The following LRMDA variants were observed in gnomAD, a reference collection of about 807,000 sequenced individuals.
LRMDA encodes the protein leucine rich melanocyte differentiation associated.
A neutral mutation model predicts 29.8 loss-of-function variants in LRMDA; 18 were observed. The observed-to-expected ratio is 0.60, with a 90% CI of 0.42 to 0.90. The LOEUF (loss-of-function observed/expected upper bound fraction) is 0.90. Among genes scored for constraint, LRMDA ranks in the 40% least tolerant of loss-of-function variants. LRMDA has a pLI of 0.00. For missense variants in LRMDA, 273 were observed against 273.9 expected, an observed-to-expected ratio of 1.00 and a Z score of 0.02; for synonymous variants, 125 against 109.4, an observed-to-expected ratio of 1.14 and a Z score of -0.89.
In LRMDA at chr10:76,191,350, G is replaced by A. The variant is rs575122846; in HGVS notation, c.516+132567G>A. On this transcript the variant is annotated intron_variant, in intron 5 of 6. Transcript: ENST00000611255. ...CCTCCCCATTTTCCTCTATAGCCCT[G>A]AGCTGTTTTCTTTCCAAATCTGAAG... 8.5e-5 allele frequency among the ~76,000 whole-genome samples: 13 copies of A among 152,250 alleles called. No individual in the cohort carries two copies. In the South Asian group the frequency reaches 2.1e-3, roughly 24 times the overall value.
intron 5 of LRMDA, among the ~76,000 whole-genome samples, chr10:76,158,448 A>G (rs1184712592): frequency 6.6e-6 from 1 of 152,132 alleles, no homozygotes; most frequent in Non-Finnish European, 1.5e-5. Flanking sequence ...TACTTCTCCA[A>G]ACTTAAGACT....
At chr10:75,881,358 A>G (rs1188324317) in intron 2 of LRMDA, among the ~76,000 whole-genome samples, 1 of 152,298 alleles carries the variant, frequency 6.6e-6, no homozygotes, top group East Asian at 1.9e-4. Context: ...AGGCAGGAGA[A>G]TAAGATCTGG....
chr10:75,859,779 T>C (rs923629696), intron 2 of LRMDA, among the ~76,000 whole-genome samples: 11 of 152,216 alleles, frequency 7.2e-5, no homozygotes, highest in African/African-American at 2.4e-4. Context: ...TTCTCTGTTA[T>C]GCTATTTATG....
intron 2 of LRMDA, among the ~76,000 whole-genome samples, chr10:76,007,319 G>A (rs1847689311): frequency 6.6e-6 from 1 of 151,424 alleles, no homozygotes; most frequent in Non-Finnish European, 1.5e-5. Context: ...TCTGACGAAT[G>A]GGAGGGAAGC....
intron 2 of LRMDA, among the ~76,000 whole-genome samples, chr10:75,635,792 AT>A (rs56892988): frequency 0.021 from 2,975 of 143,254 alleles, 91 homozygotes; most frequent in African/African-American, 0.068. Context: ...TTTCCTTGCT[AT>A]TTTTTTTTTT....
intron 2 of LRMDA, among the ~76,000 whole-genome samples, chr10:75,497,752 T>G (rs1242568848): frequency 6.6e-6 from 1 of 152,148 alleles, no homozygotes; most frequent in Non-Finnish European, 1.5e-5. Context: ...ATCAGCACAG[T>G]GCATTTGAAA....
chr10:75,972,746 T>C (rs947185041), intron 2 of LRMDA, among the ~76,000 whole-genome samples: 1 of 152,110 alleles, frequency 6.6e-6, no homozygotes, highest in Non-Finnish European at 1.5e-5. Context: ...GCAGTGTGCG[T>C]CAGAAGCCGT....
rs113252780 is a variant in LRMDA at position 76,340,394 on chromosome 10, T to C, written c.601+15909T>C. On this transcript the variant is annotated intron_variant, in intron 6 of 6. Coordinates refer to ENST00000611255, the MANE Select transcript of LRMDA (RefSeq NM_001305581.2). ...AGCTGGGCATGGTGATGCATGCCTG[T>C]AGTCCCAGCTACTTGGGAGGCTGAG... Among the ~76,000 whole-genome samples the C allele has an allele frequency of 9.7e-3, 1,472 of 151,636 alleles. 18 individuals are homozygous for C. The highest frequency in any genetic ancestry group is 0.022 in the African/African-American group (915 of 41,332).
chr10:76,183,516 G>A (rs937984663), intron 5 of LRMDA, among the ~76,000 whole-genome samples: 5 of 152,142 alleles, frequency 3.3e-5, no homozygotes, highest in South Asian at 2.1e-4. Context: ...GTACATTTCT[G>A]TTCAGAAAAC....
At chr10:76,370,080 C>A (rs549692349) in intron 6 of LRMDA, among the ~76,000 whole-genome samples, 1 of 151,800 alleles carries the variant, frequency 6.6e-6, no homozygotes, top group African/African-American at 2.4e-5. Flanking sequence ...GTTAAATAGA[C>A]TGCAGATCAT....
intron 2 of LRMDA, among the ~76,000 whole-genome samples, chr10:75,564,962 T>G (rs1281103958): frequency 6.6e-6 from 1 of 152,266 alleles, no homozygotes; most frequent in African/African-American, 2.4e-5. Flanking sequence ...CCTTTTAAAC[T>G]GGTTGGTCCA....
chr10:76,071,019 G>A (rs2132068689), intron 5 of LRMDA, among the ~76,000 whole-genome samples: 1 of 152,256 alleles, frequency 6.6e-6, no homozygotes, highest in Non-Finnish European at 1.5e-5. Context: ...CTCCATACAG[G>A]ACCAATGCGG....
chr10:76,527,748 A>C (rs1273695798), intron 6 of LRMDA, among the ~76,000 whole-genome samples: 4 of 152,200 alleles, frequency 2.6e-5, no homozygotes, highest in Non-Finnish European at 5.9e-5. Flanking sequence ...GATTGCCAGT[A>C]TTCAAACTCT....
intron 2 of LRMDA, among the ~76,000 whole-genome samples, chr10:75,807,206 G>A (rs1403879786): frequency 6.6e-6 from 1 of 152,180 alleles, no homozygotes; most frequent in Non-Finnish European, 1.5e-5. Context: ...GGAGTGAGCA[G>A]TAGGCATATG....
intron 2 of LRMDA, among the ~76,000 whole-genome samples, chr10:75,961,934 A>G (rs532828897): frequency 3.3e-5 from 5 of 152,128 alleles, no homozygotes; most frequent in Non-Finnish European, 7.4e-5. Flanking sequence ...AATCTTTGGC[A>G]TTCCTTGGCT....
chr10:75,583,352 T>G (rs1383425043), intron 2 of LRMDA, among the ~76,000 whole-genome samples: 2 of 152,148 alleles, frequency 1.3e-5, no homozygotes, highest in Non-Finnish European at 1.5e-5. Flanking sequence ...GCAGCTTCCA[T>G]TTCTGGGGAG....
At chr10:76,133,687 G>A (rs941842765) in intron 5 of LRMDA, among the ~76,000 whole-genome samples, 5 of 152,186 alleles carry the variant, frequency 3.3e-5, no homozygotes, top group African/African-American at 1.2e-4. Flanking sequence ...ATGGAGCTTC[G>A]CCTGCAGGGT....
chr10:75,888,356 A>T (rs1183097468), intron 2 of LRMDA, among the ~76,000 whole-genome samples: 2 of 152,222 alleles, frequency 1.3e-5, no homozygotes, highest in African/African-American at 4.8e-5. Context: ...ACGTTCAGGT[A>T]CAGTTGCAAC....
At chr10:76,515,748 G>A (rs1843054397) in intron 6 of LRMDA, among the ~76,000 whole-genome samples, 1 of 152,074 alleles carries the variant, frequency 6.6e-6, no homozygotes, top group African/African-American at 2.4e-5. Context: ...CAAGCAATCT[G>A]CCGCCTCGGC....
Sources: allele counts gnomAD v4.1 joint callset (sites outside exome capture counted in the v4.1 genomes callset), GRCh38; gene constraint gnomAD v4.1.1; transcripts MANE v1.5; gene names NCBI Gene and HGNC (gene_info 2026-07-23, HGNC 2026-07-21).